The following CPXM2 variants were observed in gnomAD, a reference collection of about 807,000 sequenced individuals.
The protein encoded by CPXM2 is inactive carboxypeptidase-like protein X2.
A neutral mutation model predicts 86.1 loss-of-function variants in CPXM2; 66 were observed. The observed-to-expected ratio is 0.77, with a 90% confidence interval of 0.63 to 0.94. CPXM2 has a LOEUF of 0.94. Ranked by LOEUF, CPXM2 falls within the 40% of genes least tolerant of loss-of-function variation. The pLI is 0.00. For synonymous variants in CPXM2, 388 were observed against 400.2 expected, an observed-to-expected ratio of 0.97 and a Z score of 0.36; for missense variants, 948 against 1,026.3, an observed-to-expected ratio of 0.92 and a Z score of 1.04.
At position 123,891,576 on chromosome 10, in the gene CPXM2, T is replaced by C. The variant is rs1945273263; in HGVS notation, c.84A>G (p.Ala28=). 3.2e-6 allele frequency: 5 copies of C among 1,541,246 alleles called. No homozygotes were observed. In the South Asian group the frequency reaches 3.6e-5, roughly 11 times the overall value. Residue 28 remains alanine (A), a synonymous_variant, in exon 1 of 14, where the codon GCA becomes GCG. Coordinates refer to ENST00000241305, the MANE Select transcript of CPXM2 (RefSeq NM_198148.3). The surrounding 1 kb of genome is among the most constrained non-coding windows in gnomAD (Gnocchi z 5.6). Reference sequence around the variant, plus strand: ...CGTAATAATCAGGGTCCTCGAGGGCTGCGCCCTGGGCTCCGACCCCGGCCA... The same window carrying C: ...CGTAATAATCAGGGTCCTCGAGGGCCGCGCCCTGGGCTCCGACCCCGGCCA... The part of the protein sequence containing the change: ...VTLAGVGAQG[A]ALEDPDYYGQ...
intron 2 of CPXM2, among the ~76,000 whole-genome samples, chr10:123,922,117 G>A (rs115841965): frequency 0.02 from 3,046 of 152,250 alleles, 82 homozygotes; most frequent in East Asian, 0.094. Flanking sequence ...AGGATGTTGA[G>A]CAGCATCCCT....
At chr10:123,880,161 CTGAA>C in intron 2 of CPXM2, 46 bp downstream of exon 2, 2 of 520,962 alleles carry the variant, frequency 3.8e-6, no homozygotes, top group Middle Eastern at 5.6e-4. Flanking sequence ...CCCACCCTCC[CTGAA>C]CAGGGCCTAG....
At chr10:123,850,789 T>A (rs929309172) in intron 3 of CPXM2, among the ~76,000 whole-genome samples, 2 of 152,368 alleles carry the variant, frequency 1.3e-5, no homozygotes, top group South Asian at 2.1e-4. Flanking sequence ...GAATGAATTT[T>A]CTACCTGTGA....
At chr10:123,748,110 A>G (rs1370145686) in intron 13 of CPXM2, among the ~76,000 whole-genome samples, 3 of 151,662 alleles carry the variant, frequency 2.0e-5, no homozygotes, top group Non-Finnish European at 4.4e-5. Context: ...CTCACTGAAC[A>G]CTCCAAGTGA....
Position 123,815,205 on chromosome 10 carries a change from G to T in CPXM2, c.654-16006C>A, listed in dbSNP as rs191998582. On this transcript the variant is annotated intron_variant, in intron 4 of 13. Coordinates refer to ENST00000241305, the MANE Select transcript of CPXM2 (RefSeq NM_198148.3). ...AGTGGGCAAAGTGATGAAAGAAAAT[G>T]ATGAACTCAGGGATTCTATCTCCCA... Among the ~76,000 whole-genome samples the T allele has an allele frequency of 1.2e-4, 18 of 152,234 alleles. 1 individual carries two copies. The East Asian group carries it at 3.3e-3, about 28-fold the overall frequency.
intron 2 of CPXM2, among the ~76,000 whole-genome samples, chr10:123,927,047 G>A (rs964852631): frequency 1.3e-5 from 2 of 152,180 alleles, no homozygotes; most frequent in East Asian, 1.9e-4. Flanking sequence ...GGATGGGCAC[G>A]TGACCTTACT....
chr10:123,746,922 C>G lies in CPXM2; in HGVS notation c.2113G>C (p.Val705Leu), dbSNP rs1177063432. ...CTTGTGGCCCCCATGTCATAGCCAA[C>G]CATACAGTTCTTGGTGGATGCAGTG... ...GFTASTKNCMVGYDMGATRCD... is the reference protein window; with the variant it reads ...GFTASTKNCMLGYDMGATRCD... The change falls in exon 14 of 14, where the codon GTT (valine) becomes CTT (leucine). Residue 705 changes from valine (V) to leucine (L), a missense_variant. Coordinates refer to ENST00000241305, the MANE Select transcript of CPXM2 (RefSeq NM_198148.3). 1 of 1,614,226 alleles carries G rather than the reference C, an allele frequency of 6.2e-7. No homozygotes were observed. The highest frequency in any genetic ancestry group is 1.1e-5 in the South Asian group (1 of 91,072).
intron 4 of CPXM2, among the ~76,000 whole-genome samples, chr10:123,824,251 A>T (rs1847996028): frequency 6.6e-6 from 1 of 152,216 alleles, no homozygotes; most frequent in Non-Finnish European, 1.5e-5. Context: ...TGTATTGCCA[A>T]TTGACCACTC....
chr10:123,896,703 A>G (rs1945340811), upstream of CPXM2, among the ~76,000 whole-genome samples: 2 of 152,304 alleles, frequency 1.3e-5, no homozygotes, highest in South Asian at 4.1e-4. Context: ...AAACAGTAAG[A>G]TGCTGTTGCA....
At chr10:123,934,880 C>T (rs1399243482) in intron 2 of CPXM2, among the ~76,000 whole-genome samples, 1 of 152,188 alleles carries the variant, frequency 6.6e-6, no homozygotes, top group Non-Finnish European at 1.5e-5. Context: ...TCAAGTTCCC[C>T]TTGATACTGA....
Position 123,880,289 on chromosome 10 carries a change from C to CT in CPXM2, c.324dup (p.Val109SerfsTer8). ...TTCTCAGAGCTCTTGGTTCTCATAA[C>CT]TTTTTTGTTGCTGTGTTTACCTAAA... On this transcript the variant is annotated frameshift_variant, in exon 2 of 14. Coordinates refer to ENST00000241305, the MANE Select transcript of CPXM2 (RefSeq NM_198148.3). LOFTEE classifies it high-confidence loss of function. The CT allele has an allele frequency of 2.5e-6, 4 of 1,573,744 alleles. No individual in the cohort carries two copies. The highest frequency in any genetic ancestry group is 1.1e-5 in the South Asian group (1 of 90,288).
intron 2 of CPXM2, among the ~76,000 whole-genome samples, chr10:123,901,336 G>C (rs1945379002): frequency 6.6e-6 from 1 of 151,982 alleles, no homozygotes; most frequent in Non-Finnish European, 1.5e-5. Context: ...TAAATCACAT[G>C]CTGAGACCCA....
intron 4 of CPXM2, among the ~76,000 whole-genome samples, chr10:123,806,162 A>G (rs1847574464): frequency 6.6e-6 from 1 of 152,154 alleles, no homozygotes; most frequent in African/African-American, 2.4e-5. Flanking sequence ...TAAACCAAGT[A>G]TGCTGATAGT....
intron 7 of CPXM2, among the ~76,000 whole-genome samples, chr10:123,779,432 G>A (rs963879936): frequency 6.6e-6 from 1 of 152,168 alleles, no homozygotes; most frequent in African/African-American, 2.4e-5. Context: ...TCTCATCTGG[G>A]ATTGTCTTTT....
chr10:123,876,466 G>C (rs768567034), intron 2 of CPXM2, among the ~76,000 whole-genome samples: 5 of 152,186 alleles, frequency 3.3e-5, no homozygotes, highest in Non-Finnish European at 5.9e-5. Flanking sequence ...AAACTAAAGA[G>C]AGGTGATCAG....
intron 4 of CPXM2, among the ~76,000 whole-genome samples, chr10:123,810,355 TA>T (rs1847664728): frequency 6.6e-6 from 1 of 151,864 alleles, no homozygotes; most frequent in African/African-American, 2.4e-5. Flanking sequence ...GCAACAAAAA[TA>T]GCAAAAATAT....
intron 2 of CPXM2, among the ~76,000 whole-genome samples, chr10:123,937,007 G>A (rs1945727002): frequency 6.6e-6 from 1 of 152,212 alleles, no homozygotes; most frequent in South Asian, 2.1e-4. Context: ...TCAATCAAAT[G>A]AGGAAACTGA....
At chr10:123,785,514 C>G (rs963340480) in intron 6 of CPXM2, among the ~76,000 whole-genome samples, 1 of 152,160 alleles carries the variant, frequency 6.6e-6, no homozygotes, top group Non-Finnish European at 1.5e-5. Flanking sequence ...GTCGTTGGAA[C>G]CCCTCAGTCC....
Position 123,885,970 on chromosome 10 carries a change from C to A in CPXM2, c.304+5386G>T, listed in dbSNP as rs986592219. Among the ~76,000 whole-genome samples, 3 of 152,208 alleles carry A rather than the reference C, an allele frequency of 2.0e-5. No individual in the cohort carries two copies. The highest frequency in any genetic ancestry group is 2.9e-5 in the Non-Finnish European group (2 of 68,036). On this transcript the variant is annotated intron_variant, in intron 1 of 13. Transcript: ENST00000241305. The surrounding 1 kb of genome is among the most constrained non-coding windows in gnomAD (Gnocchi z 4.0). Reference sequence around the variant, plus strand: ...GGTGTGTCCTCCTTTATTATCCATGCGCGAGCCCTGGTTTCTGGAACCTTG... The same window carrying A: ...GGTGTGTCCTCCTTTATTATCCATGAGCGAGCCCTGGTTTCTGGAACCTTG...
Sources: allele counts gnomAD v4.1 joint callset (sites outside exome capture counted in the v4.1 genomes callset), GRCh38; gene constraint gnomAD v4.1.1; non-coding constraint Gnocchi (gnomAD v3.1); transcripts MANE v1.5; gene names NCBI Gene and HGNC (gene_info 2026-07-23, HGNC 2026-07-21).